CER1: variants seen among roughly 807,000 people sequenced by gnomAD.
The protein encoded by CER1 is cerberus.
CER1 carries 10 observed loss-of-function variants against 11.8 expected under a neutral mutation model. That is an observed-to-expected ratio of 0.85 (90% CI 0.52 to 1.44). The LOEUF (loss-of-function observed/expected upper bound fraction) is 1.44, where lower values mean the gene tolerates loss of function less well. Among genes scored for constraint, CER1 ranks in the 40% most tolerant of loss-of-function variants. CER1 has a pLI of 0.00. For missense variants in CER1, 431 were observed against 327.0 expected (o/e 1.32, Z -2.45); for synonymous variants, 141 against 122.3 (o/e 1.15, Z -1.01).
rs1169635066 is a variant in CER1 at position 14,719,964 on chromosome 9, T to G, written c.*126A>C. On this transcript the variant is annotated 3_prime_UTR_variant, in exon 2 of 2. Transcript: ENST00000380911. ...ATATCATTTCCTCTATCGTTCTAAT[T>G]TAAAACTACGTTTCAAGTCACCTTT... The G allele has an allele frequency of 1.2e-6, 1 of 848,736 alleles. No individual in the cohort carries two copies. 52.6% of individuals were successfully genotyped at this position (848,736 alleles called of 1,614,324 possible). A position where few individuals can be genotyped will look rare whatever the true frequency, so the allele number is the denominator to read the frequency against.
At chr9:14,722,039 C>G in intron 1 of CER1, 127 bp downstream of exon 1, 1 of 1,109,482 alleles carries the variant, frequency 9.0e-7, no homozygotes, top group Non-Finnish European at 1.3e-6. Flanking sequence ...ATGATGAATG[C>G]CCAAGGACCA....
intron 1 of CER1, among the ~76,000 whole-genome samples, chr9:14,720,605 G>T (rs1230771840): frequency 6.6e-6 from 1 of 152,130 alleles, no homozygotes; most frequent in Non-Finnish European, 1.5e-5. Context: ...AGCCTTTAGG[G>T]AATCCCTAAG....
chr9:14,720,686 A>T (rs1303904381), intron 1 of CER1, among the ~76,000 whole-genome samples: 1 of 152,206 alleles, frequency 6.6e-6, no homozygotes, highest in Non-Finnish European at 1.5e-5. Context: ...ATTGGATGTG[A>T]GCGATTGAAA....
chr9:14,719,703 T>G (rs1250371973), downstream of CER1: 1 of 168,624 alleles, frequency 5.9e-6, no homozygotes, highest in Non-Finnish European at 1.3e-5. Flanking sequence ...AGAAGCCCAT[T>G]TTTATGGTCT....
Position 14,719,854 on chromosome 9 carries a change from A to G in CER1, c.*236T>C. On this transcript the variant is annotated 3_prime_UTR_variant, in exon 2 of 2. Transcript: ENST00000380911. ...TTTATAGATGAAAATCTTTAGATGG[A>G]GAAAGGTTTTACAACTTAACATTCT... 1 of 486,694 alleles carries G rather than the reference A, an allele frequency of 2.1e-6. No homozygotes were observed. Among genetic ancestry groups the G allele is most frequent in the Non-Finnish European group, 3.7e-6 (1 of 269,030 alleles). 30.1% of individuals were successfully genotyped at this position (486,694 alleles called of 1,614,324 possible). A position where few individuals can be genotyped will look rare whatever the true frequency, so the allele number is the denominator to read the frequency against.
downstream of CER1, among the ~76,000 whole-genome samples, chr9:14,718,551 C>T (rs1839965070): frequency 6.6e-6 from 1 of 151,852 alleles, no homozygotes; most frequent in South Asian, 2.1e-4. Context: ...GCCTTTGCTT[C>T]TTTGGAATGT....
intron 1 of CER1, among the ~76,000 whole-genome samples, chr9:14,720,784 T>G (rs750369429): frequency 6.6e-6 from 1 of 152,212 alleles, no homozygotes; most frequent in Non-Finnish European, 1.5e-5. Context: ...TCCCAATACA[T>G]ATTTGTTACA....
Position 14,722,421 on chromosome 9 carries a change from G to C in CER1, c.252C>G (p.Gly84=), listed in dbSNP as rs1202175599. The part of the protein sequence containing the change: ...RQREKMLSRF[G]RFWKKPEREM... ...CTCTCTCAGGCTTCTTCCAGAACCT[G>C]CCAAATCTGGACAGCATCTTCTCTC... Residue 84 remains glycine, a synonymous_variant, in exon 1 of 2, where the codon GGC becomes GGG. Coordinates refer to ENST00000380911, the MANE Select transcript of CER1 (RefSeq NM_005454.3). 1 of 1,614,176 alleles carries C rather than the reference G, an allele frequency of 6.2e-7. No individual in the cohort carries two copies.
At position 14,722,284 on chromosome 9, in the gene CER1, GCTT is replaced by G. The variant is rs1342073539; in HGVS notation, c.386_388del (p.Glu129del). The G allele has an allele frequency of 6.2e-7, 1 of 1,614,072 alleles. No individual in the cohort carries two copies. Among genetic ancestry groups the G allele is most frequent in the Non-Finnish European group, 8.5e-7 (1 of 1,180,042 alleles). ...CATGAAGTGGTGCCAGAATTTCTTG[GCTT>G]CTTCCCGAAGAGGAGATTTCTCCAT... On this transcript the variant is annotated inframe_deletion, in exon 1 of 2. Transcript: ENST00000380911.
intron 1 of CER1, 123 bp from the exon 2 acceptor site, chr9:14,720,509 T>C (rs1839993792): frequency 2.0e-6 from 2 of 1,014,638 alleles, no homozygotes; most frequent in Non-Finnish European, 2.8e-6. Flanking sequence ...CAATTTTGGA[T>C]ACAATTTGCA....
In CER1 at chr9:14,722,658, T is replaced by C. The variant is rs769440117; in HGVS notation, c.15A>G (p.Leu5=). MHLL[L]FQLLVLLPLG... Reference sequence around the variant, plus strand: ...GAGGCAGGAGTACCAGCAGCTGAAATAAGAGGAGATGCATGCTGTCAGGGG... The same window carrying C: ...GAGGCAGGAGTACCAGCAGCTGAAACAAGAGGAGATGCATGCTGTCAGGGG... Residue 5 remains leucine (L), a synonymous_variant, in exon 1 of 2, where the codon TTA becomes TTG. Coordinates refer to ENST00000380911, the MANE Select transcript of CER1 (RefSeq NM_005454.3). The C allele has an allele frequency of 1.3e-5, 21 of 1,600,072 alleles. No homozygotes were observed. The highest frequency in any genetic ancestry group is 1.7e-5 in the Non-Finnish European group (20 of 1,179,450).
At chr9:14,717,537 A>G (rs1421713978), downstream of CER1, among the ~76,000 whole-genome samples, 1 of 152,150 alleles carries the variant, frequency 6.6e-6, no homozygotes, top group Non-Finnish European at 1.5e-5. Context: ...ATTTTGAGGT[A>G]ATTATTACCA....
rs763740706 is a variant in CER1, at chr9:14,722,560, T to A, written c.113A>T (p.Asn38Ile). The A allele has an allele frequency of 1.2e-6, 2 of 1,614,022 alleles. No individual in the cohort carries two copies. The highest frequency in any genetic ancestry group is 2.7e-5 in the African/African-American group (2 of 74,934). Reference protein sequence around the residue: ...SSLSPVLLPRNQRELPTGNHE... With the variant: ...SSLSPVLLPRIQRELPTGNHE... ...GTTGCCTGTGGGAAGCTCTCTTTGATTCCTTGGCAGGAGTACGGGGGAAAG... is the reference window on the plus strand; with the variant it reads ...GTTGCCTGTGGGAAGCTCTCTTTGAATCCTTGGCAGGAGTACGGGGGAAAG... Residue 38 changes from asparagine (N) to isoleucine (I), a missense_variant, in exon 1 of 2, where the codon AAT (asparagine) becomes ATT (isoleucine). Asn to Ile is a moderately radical substitution (Grantham distance 149, BLOSUM62 -3). Coordinates refer to ENST00000380911, the MANE Select transcript of CER1 (RefSeq NM_005454.3).
chr9:14,719,934 G>C lies in CER1; in HGVS notation c.*156C>G, dbSNP rs1228611377. Reference sequence around the variant, plus strand: ...GGTCTCAAACGTGTACCAATAACTAGACTAATATCATTTCCTCTATCGTTC... The same window carrying C: ...GGTCTCAAACGTGTACCAATAACTACACTAATATCATTTCCTCTATCGTTC... On this transcript the variant is annotated 3_prime_UTR_variant, in exon 2 of 2. Transcript: ENST00000380911. 7.6e-6 allele frequency: 5 copies of C among 661,632 alleles called. No individual in the cohort carries two copies. The highest frequency in any genetic ancestry group is 2.7e-5 in the East Asian group (1 of 36,436). The allele number at this position is 661,632 out of a possible 1,614,324, so 41.0% of individuals were successfully genotyped here.
chr9:14,718,671 A>C (rs1418239434), downstream of CER1, among the ~76,000 whole-genome samples: 1 of 152,240 alleles, frequency 6.6e-6, no homozygotes, highest in Non-Finnish European at 1.5e-5. Context: ...TAAAAGTAAA[A>C]GAAACCTAAT....
At chr9:14,719,080 C>CA (rs1839969638), downstream of CER1, among the ~76,000 whole-genome samples, 2 of 151,972 alleles carry the variant, frequency 1.3e-5, no homozygotes, top group African/African-American at 4.8e-5. Flanking sequence ...TATTAAATAG[C>CA]AAAAAACAGT....
At chr9:14,720,823 A>G (rs2131790688) in intron 1 of CER1, among the ~76,000 whole-genome samples, 1 of 152,320 alleles carries the variant, frequency 6.6e-6, no homozygotes, top group African/African-American at 2.4e-5. Context: ...AGAACATTCT[A>G]GGTTTAATTC....
Position 14,722,154 on chromosome 9 carries a change from C to G in CER1, c.507+12G>C, listed in dbSNP as rs753020136. 7 of 1,608,362 alleles carry G rather than the reference C, an allele frequency of 4.4e-6. No homozygotes were observed. In the East Asian group the frequency reaches 6.7e-5, roughly 15 times the overall value. On this transcript the variant is annotated intron_variant, in intron 1 of 1. Transcript: ENST00000380911. ...TGCAAACTCTTACCTGCTCTCCCCC[C>G]AGAACACATACCTGGCTGAAGGGCA...
chr9:14,719,561 G>GCCTGCCTTCCTTCCTTCCTT (rs1839977563), downstream of CER1, among the ~76,000 whole-genome samples: 8 of 62,536 alleles, frequency 1.3e-4, no homozygotes, highest in South Asian at 1.6e-3. Context: ...CTGCCTGCCT[G>GCCTGCCTTCCTTCCTTCCTT]CCTTCCTTCC....
Sources: gnomAD v4.1 joint callset for allele counts (sites outside exome capture counted in the v4.1 genomes callset) on GRCh38, gnomAD v4.1.1 for gene constraint, MANE v1.5 for transcripts, NCBI Gene and HGNC (gene_info 2026-07-23, HGNC 2026-07-21) for gene names.